ME1: variants seen among roughly 807,000 people sequenced by gnomAD.
The protein encoded by ME1 is NADP-dependent malic enzyme.
A neutral mutation model predicts 66.4 loss-of-function variants in ME1; 74 were observed. The observed-to-expected ratio is 1.11, with a 90% CI of 0.92 to 1.35. The LOEUF is 1.35. Ranked by LOEUF, ME1 falls within the 40% of genes most tolerant of loss-of-function variation. The probability of loss-of-function intolerance (pLI) is 0.00; values close to 1 mark genes in which losing one functional copy is unlikely to be tolerated. For synonymous variants in ME1, 251 were observed against 235.6 expected (o/e 1.07, Z -0.60); for missense variants, 750 against 694.1 (o/e 1.08, Z -0.90).
rs191586313 is a variant in ME1 at position 83,391,172 on chromosome 6, T to A, written c.362+7195A>T. ...TTCAAAGTTTTGGAATTCAAAAGTA[T>A]GGATAAGATGCGGCAGGCTGTAGTA... On this transcript the variant is annotated intron_variant, in intron 3 of 13. Transcript: ENST00000369705. 2.2e-4 allele frequency among the ~76,000 whole-genome samples: 34 copies of A among 152,262 alleles called. No homozygotes were observed. In the East Asian group the frequency reaches 6.4e-3, roughly 28 times the overall value.
At chr6:83,409,871 G>A (rs775758514) in intron 1 of ME1, among the ~76,000 whole-genome samples, 22 of 152,172 alleles carry the variant, frequency 1.4e-4, no homozygotes, top group East Asian at 5.8e-4. Context: ...ACAGTTGGGC[G>A]TCCTCTGAAG....
Position 83,212,050 on chromosome 6 carries a change from A to AGGATAAACTGTG in ME1, c.1581_1592dup (p.Thr528_Pro531dup). On this transcript the variant is annotated inframe_insertion, in exon 14 of 14. Transcript: ENST00000369705. ...CAAATGCTTCTTTGTTTTGCGGTTC[A>AGGATAAACTGTG]GGATAAACTGTGGCTGTCTTTTCTT... 6.2e-7 allele frequency: 1 copy of AGGATAAACTGTG among 1,611,652 alleles called. No homozygotes were observed. Among genetic ancestry groups the AGGATAAACTGTG allele is most frequent in the Non-Finnish European group, 8.5e-7 (1 of 1,178,398 alleles).
At chr6:83,430,740 C>G in intron 1 of ME1, 137 bp downstream of exon 1, 1 of 693,732 alleles carries the variant, frequency 1.4e-6, no homozygotes, top group East Asian at 3.2e-5. Flanking sequence ...ACCAAGGCCC[C>G]CCAGGCCGCG....
intron 1 of ME1, among the ~76,000 whole-genome samples, chr6:83,424,811 A>G (rs970464917): frequency 1.3e-5 from 2 of 152,208 alleles, no homozygotes; most frequent in Admixed American, 6.5e-5. Context: ...GAAGTCCAAA[A>G]TCAAGGTGTC....
rs576993224 is a variant in ME1 at position 83,238,837 on chromosome 6, C to T, written c.912+702G>A. 4.6e-5 allele frequency among the ~76,000 whole-genome samples: 6 copies of T among 131,120 alleles called. No individual in the cohort carries two copies. The East Asian group carries it at 1.2e-3, about 26-fold the overall frequency. 86.0% of individuals were successfully genotyped at this position (131,120 alleles called of 152,430 possible). Reference sequence around the variant, plus strand: ...ATATATATAGCCACAAAATATTTCTCTATTACTTACATTCTATAATTCTAA... The same window carrying T: ...ATATATATAGCCACAAAATATTTCTTTATTACTTACATTCTATAATTCTAA... On this transcript the variant is annotated intron_variant, in intron 8 of 13. Transcript: ENST00000369705.
intron 1 of ME1, among the ~76,000 whole-genome samples, chr6:83,414,388 GTAAT>G (rs1244488281): frequency 6.6e-6 from 1 of 151,884 alleles, no homozygotes; most frequent in Non-Finnish European, 1.5e-5. Flanking sequence ...TCATTCCATA[GTAAT>G]TAATTTTTAC....
chr6:83,316,893 C>G (rs1354298205), intron 5 of ME1, among the ~76,000 whole-genome samples: 1 of 151,640 alleles, frequency 6.6e-6, no homozygotes, highest in Non-Finnish European at 1.5e-5. Context: ...ACACTGGAAA[C>G]TACAAAATAT....
chr6:83,300,107 C>G (rs924406247), intron 6 of ME1, among the ~76,000 whole-genome samples: 4 of 152,096 alleles, frequency 2.6e-5, no homozygotes, highest in Non-Finnish European at 5.9e-5. Context: ...AGGCAGCCAT[C>G]TAATCTTCAA....
chr6:83,238,799 A>ATAT (rs1554263094), intron 8 of ME1, among the ~76,000 whole-genome samples: 4,288 of 139,270 alleles, frequency 0.031, 114 homozygotes, highest in Admixed American at 0.058. Context: ...TTTCTTGAAA[A>ATAT]ATATATATAT....
chr6:83,391,384 C>A (rs889452470), intron 3 of ME1, among the ~76,000 whole-genome samples: 25 of 152,166 alleles, frequency 1.6e-4, no homozygotes, highest in African/African-American at 5.3e-4. Context: ...CATTTTTATC[C>A]AGAATCTGGA....
At chr6:83,234,725 C>G (rs1424725272) in intron 9 of ME1, among the ~76,000 whole-genome samples, 5 of 152,050 alleles carry the variant, frequency 3.3e-5, no homozygotes. Flanking sequence ...GCAATCCATC[C>G]TCCACAATGC....
chr6:83,283,075 A>C (rs1227777433), intron 6 of ME1, among the ~76,000 whole-genome samples: 23 of 149,772 alleles, frequency 1.5e-4, no homozygotes, highest in Non-Finnish European at 3.1e-4. Flanking sequence ...AAAAATACAA[A>C]AAATTAGCCG....
At chr6:83,251,878 T>C (rs951147212) in intron 7 of ME1, among the ~76,000 whole-genome samples, 1 of 152,116 alleles carries the variant, frequency 6.6e-6, no homozygotes, top group Non-Finnish European at 1.5e-5. Flanking sequence ...TAAGATCAGA[T>C]TTCTATAGCA....
chr6:83,340,184 G>A (rs1768551820), intron 5 of ME1, among the ~76,000 whole-genome samples: 1 of 151,998 alleles, frequency 6.6e-6, no homozygotes, highest in Non-Finnish European at 1.5e-5. Context: ...GTTTTCTTGA[G>A]TTTCAGTAAT....
chr6:83,282,382 T>C (rs1238876136), intron 6 of ME1, among the ~76,000 whole-genome samples: 1 of 152,156 alleles, frequency 6.6e-6, no homozygotes, highest in Admixed American at 6.5e-5. Context: ...AGGGCTAATA[T>C]CCAGAATCTA....
chr6:83,309,062 G>A (rs1278826126), intron 6 of ME1, among the ~76,000 whole-genome samples: 1 of 152,134 alleles, frequency 6.6e-6, no homozygotes, highest in Non-Finnish European at 1.5e-5. Context: ...AAACTAGGAG[G>A]AGATAATGTG....
chr6:83,334,025 G>C (rs539699709), intron 5 of ME1, among the ~76,000 whole-genome samples: 6 of 151,906 alleles, frequency 3.9e-5, no homozygotes, highest in African/African-American at 7.3e-5. Context: ...CGCAGAAGAC[G>C]GGTGATTTCT....
chr6:83,213,558 G>A (rs1789938962), intron 13 of ME1, among the ~76,000 whole-genome samples: 1 of 152,082 alleles, frequency 6.6e-6, no homozygotes, highest in Admixed American at 6.5e-5. Flanking sequence ...GAAGAGAAGG[G>A]GTTTCGCCAT....
chr6:83,326,095 C>T (rs1216690305), intron 5 of ME1, among the ~76,000 whole-genome samples: 2 of 152,036 alleles, frequency 1.3e-5, no homozygotes, highest in African/African-American at 4.8e-5. Context: ...GAAATAACAC[C>T]ACACATCTAC....
Sources: allele counts gnomAD v4.1 joint callset (sites outside exome capture counted in the v4.1 genomes callset), GRCh38; gene constraint gnomAD v4.1.1; transcripts MANE v1.5; gene names NCBI Gene and HGNC (gene_info 2026-07-23, HGNC 2026-07-21).